Variants in STK32C observed in about 807,000 individuals in gnomAD.
STK32C encodes the protein serine/threonine kinase 32C.
In STK32C, 31 loss-of-function variants were observed where a neutral mutation model predicts 56.5. That is an observed-to-expected ratio of 0.55 (90% CI 0.41 to 0.74). The LOEUF (loss-of-function observed/expected upper bound fraction) is 0.74, where lower values mean the gene tolerates loss of function less well. Ranked by LOEUF, STK32C falls within the 30% of genes least tolerant of loss-of-function variation. STK32C has a pLI of 0.00. For missense variants in STK32C, 544 were observed against 676.9 expected (o/e 0.80, Z 2.18); for synonymous variants, 309 against 289.4 (o/e 1.07, Z -0.69).
At chr10:132,324,333 T>C in exon 2 of STK32C, 1 of 779,630 alleles carries the variant, frequency 1.3e-6, no homozygotes, top group East Asian at 2.4e-5. Flanking sequence ...TTCCACATCT[T>C]CCTGGCAAAA....
rs545422899 is a variant in STK32C, at chr10:132,228,102, C to T, written c.345G>A (p.Thr115=). 7.4e-5 allele frequency: 119 copies of T among 1,614,028 alleles called. 2 individuals carry two copies. The South Asian group carries it at 8.7e-4, about 12-fold the overall frequency. The change falls in exon 3 of 12, where the codon ACG becomes ACA. Residue 115 remains threonine (T), a synonymous_variant. Transcript: ENST00000298630. ...TGTACTTCATGGCGTACATCTTCTCCGTGTCCCGCTTCTGCACAATGCACA... is the reference window on the plus strand; with the variant it reads ...TGTACTTCATGGCGTACATCTTCTCTGTGTCCCGCTTCTGCACAATGCACA... ...GKVCIVQKRD[T]EKMYAMKYMN...
intron 2 of STK32C, among the ~76,000 whole-genome samples, chr10:132,230,084 G>C (rs965437559): frequency 2.0e-5 from 3 of 152,234 alleles, no homozygotes; most frequent in African/African-American, 7.2e-5. Flanking sequence ...GCTGAGGAGC[G>C]GGGGCAGCTG....
At chr10:132,216,557 A>G (rs965401798) in intron 10 of STK32C, among the ~76,000 whole-genome samples, 2 of 152,152 alleles carry the variant, frequency 1.3e-5, no homozygotes, top group Non-Finnish European at 2.9e-5. Flanking sequence ...ATTAATCACC[A>G]AGACAATGGG....
intron 1 of STK32C, among the ~76,000 whole-genome samples, chr10:132,281,787 A>G (rs1459041792): frequency 6.6e-6 from 1 of 152,228 alleles, no homozygotes; most frequent in Non-Finnish European, 1.5e-5. Flanking sequence ...TCCAGGACCC[A>G]CAGAAACCTG....
chr10:132,310,605 G>A (rs2066201167), upstream of STK32C, among the ~76,000 whole-genome samples: 1 of 152,240 alleles, frequency 6.6e-6, no homozygotes, highest in Non-Finnish European at 1.5e-5. The surrounding 1 kb of genome is among the most constrained non-coding windows in gnomAD (Gnocchi z 4.6). Flanking sequence ...AGTGAGGCCA[G>A]TAGAGAATTC....
At position 132,303,415 on chromosome 10, in the gene STK32C, C is replaced by T. The variant is rs537232925; in HGVS notation, c.262+4157G>A. 8.5e-5 allele frequency among the ~76,000 whole-genome samples: 13 copies of T among 152,308 alleles called. No homozygotes were observed. In the East Asian group the frequency reaches 2.5e-3, roughly 29 times the overall value. On this transcript the variant is annotated intron_variant, in intron 1 of 11. Coordinates refer to ENST00000298630, the MANE Select transcript of STK32C (RefSeq NM_173575.4). ...ACATAAAGGCAAGGCCGGACGCAGC[C>T]ACAAAGGCAGATGATGAATCTGACC...
At chr10:132,318,001 G>A (rs2066338685) in intron 1 of STK32C, among the ~76,000 whole-genome samples, 1 of 150,596 alleles carries the variant, frequency 6.6e-6, no homozygotes, top group South Asian at 2.1e-4. Flanking sequence ...TGGGCACAGT[G>A]GCTCACACCT....
chr10:132,218,081 G>A (rs981466946), intron 10 of STK32C, among the ~76,000 whole-genome samples: 1 of 152,102 alleles, frequency 6.6e-6, no homozygotes, highest in Non-Finnish European at 1.5e-5. Context: ...CAGCATTTTG[G>A]GAGGCTGAGG....
chr10:132,237,221 T>G (rs931808660), intron 2 of STK32C, among the ~76,000 whole-genome samples: 9 of 151,778 alleles, frequency 5.9e-5, no homozygotes, highest in Admixed American at 4.6e-4. Flanking sequence ...CTCCCTGGGC[T>G]CACAGGCTGG....
intron 2 of STK32C, among the ~76,000 whole-genome samples, chr10:132,241,586 G>A (rs1425601896): frequency 1.3e-5 from 2 of 152,180 alleles, no homozygotes; most frequent in African/African-American, 2.4e-5. Flanking sequence ...TCCCAGCGGG[G>A]TTACTTTCGA....
chr10:132,295,473 G>A (rs1055736950), intron 1 of STK32C, among the ~76,000 whole-genome samples: 3 of 152,236 alleles, frequency 2.0e-5, no homozygotes, highest in Non-Finnish European at 4.4e-5. Flanking sequence ...GGGACGGGGT[G>A]ACCAAGAAAT....
At chr10:132,243,664 G>GAAAACA (rs2063585149) in intron 2 of STK32C, among the ~76,000 whole-genome samples, 1 of 152,192 alleles carries the variant, frequency 6.6e-6, no homozygotes, top group African/African-American at 2.4e-5. Context: ...TTTAAAAACT[G>GAAAACA]AAAACAAAAA....
exon 1 of STK32C, chr10:132,331,537 A>C: frequency 1.2e-6 from 2 of 1,612,910 alleles, no homozygotes; most frequent in South Asian, 2.2e-5. Flanking sequence ...TCCTGAGGCA[A>C]GATTTGGGGA....
chr10:132,273,304 C>G (rs548041073), intron 1 of STK32C, among the ~76,000 whole-genome samples: 1 of 152,022 alleles, frequency 6.6e-6, no homozygotes, highest in Non-Finnish European at 1.5e-5. Flanking sequence ...GTCCTGTGAA[C>G]GGGCTCTAAG....
chr10:132,257,611 G>C (rs999289984), intron 1 of STK32C, among the ~76,000 whole-genome samples: 5 of 151,974 alleles, frequency 3.3e-5, no homozygotes, highest in African/African-American at 1.2e-4. Context: ...ACCCCATCTG[G>C]TGCCCACCCC....
chr10:132,298,517 T>C (rs2065821923), intron 1 of STK32C, among the ~76,000 whole-genome samples: 1 of 152,172 alleles, frequency 6.6e-6, no homozygotes, highest in Non-Finnish European at 1.5e-5. Flanking sequence ...ACTTGCTCAC[T>C]TGCTCCTAAC....
At chr10:132,224,636 G>T (rs966017024) in intron 7 of STK32C, 113 bp from the exon 8 acceptor site, 4 of 759,386 alleles carry the variant, frequency 5.3e-6, no homozygotes, top group Admixed American at 4.1e-5. Context: ...CACCCCAAGT[G>T]CAGGCACAGC....
chr10:132,209,113 A>AAG lies in STK32C; in HGVS notation c.1252-14_1252-13dup, dbSNP rs1257013747. On this transcript the variant is annotated splice_polypyrimidine_tract_variant and intron_variant, in intron 10 of 11. Transcript: ENST00000298630. ...AGATAGTCATTCTCCTGTGGATGGA[A>AAG]AGGCACACGTGAGCGTGGGGGACGC... The AAG allele has an allele frequency of 1.9e-6, 3 of 1,613,162 alleles. No individual in the cohort carries two copies. The highest frequency in any genetic ancestry group is 2.5e-6 in the Non-Finnish European group (3 of 1,179,452).
chr10:132,274,121 A>G (rs2064923370), intron 1 of STK32C, among the ~76,000 whole-genome samples: 1 of 152,256 alleles, frequency 6.6e-6, no homozygotes, highest in Non-Finnish European at 1.5e-5. Context: ...AGAATGCATC[A>G]GTCTGCAGAT....
Sources: allele counts gnomAD v4.1 joint callset (sites outside exome capture counted in the v4.1 genomes callset), GRCh38; gene constraint gnomAD v4.1.1; non-coding constraint Gnocchi (gnomAD v3.1); transcripts MANE v1.5; gene names NCBI Gene and HGNC (gene_info 2026-07-23, HGNC 2026-07-21).